The following FOXP1 variants were observed in gnomAD, a reference collection of about 807,000 sequenced individuals.
FOXP1 encodes forkhead box P1.
A neutral mutation model predicts 98.2 loss-of-function variants in FOXP1; 15 were observed. The observed-to-expected ratio is 0.15, with a 90% confidence interval of 0.10 to 0.24. FOXP1 has a LOEUF of 0.24. Ranked by LOEUF, FOXP1 falls within the 10% of genes least tolerant of loss-of-function variation. The pLI, the probability that FOXP1 is intolerant of heterozygous loss-of-function variation, is 1.00. For missense variants in FOXP1, 633 were observed against 848.5 expected (o/e 0.75, Z 3.15); for synonymous variants, 371 against 314.5 (o/e 1.18, Z -1.90).
In FOXP1 at chr3:71,041,314, T is replaced by C. The variant is rs1472263304; in HGVS notation, c.869+14A>G. The C allele has an allele frequency of 1.9e-6, 3 of 1,611,808 alleles. No individual in the cohort carries two copies. The highest frequency in any genetic ancestry group is 1.7e-6 in the Non-Finnish European group (2 of 1,178,816). On this transcript the variant is annotated intron_variant, in intron 11 of 20. Transcript: ENST00000649528. ...AAAGGCAGTTTTGGACCCATCTCAG[T>C]GGCTGGTTCCTACCTTTCCCTTTTG...
At chr3:71,063,606 T>C (rs2051857269) in intron 7 of FOXP1, among the ~76,000 whole-genome samples, 1 of 152,256 alleles carries the variant, frequency 6.6e-6, no homozygotes. Context: ...GACTTCCTAA[T>C]GATAAAATAA....
intron 3 of FOXP1, among the ~76,000 whole-genome samples, chr3:71,364,660 AT>A (rs1237887238): frequency 4.6e-5 from 7 of 152,230 alleles, no homozygotes; most frequent in Admixed American, 2.0e-4. Flanking sequence ...TTAATGTAAC[AT>A]TTTTAACGAA....
chr3:70,955,465 C>A lies in FOXP1; in HGVS notation c.*3782G>T. 4.3e-6 allele frequency: 1 copy of A among 232,872 alleles called. No homozygotes were observed. The highest frequency in any genetic ancestry group is 8.5e-6 in the Non-Finnish European group (1 of 117,858). The allele number at this position is 232,872 out of a possible 1,614,324, so 14.4% of individuals were successfully genotyped here. ...GGGACAGGTAGGTTGGATCCTCATT[C>A]CTGACAGTGCATTTGTCTGACACAC... is the stretch of plus-strand genomic sequence containing the variant. On this transcript the variant is annotated 3_prime_UTR_variant, in exon 21 of 21. Transcript: ENST00000649528.
At chr3:71,127,182 G>C (rs2059270096) in intron 6 of FOXP1, among the ~76,000 whole-genome samples, 1 of 152,106 alleles carries the variant, frequency 6.6e-6, no homozygotes, top group Non-Finnish European at 1.5e-5. Context: ...TAGAAACCCA[G>C]GAAGGAGGCC....
intron 3 of FOXP1, among the ~76,000 whole-genome samples, chr3:71,474,821 A>G (rs2089678854): frequency 6.6e-6 from 1 of 152,106 alleles, no homozygotes; most frequent in African/African-American, 2.4e-5. Context: ...AATAATAATG[A>G]AAATAAAGTG....
chr3:71,150,836 T>G (rs1428284073), intron 6 of FOXP1, among the ~76,000 whole-genome samples: 1 of 152,182 alleles, frequency 6.6e-6, no homozygotes. Context: ...GGTGTTTTGT[T>G]GTCTACCCCG....
chr3:71,007,658 A>G (rs2042975661), intron 12 of FOXP1, among the ~76,000 whole-genome samples: 1 of 152,196 alleles, frequency 6.6e-6, no homozygotes, highest in African/African-American at 2.4e-5. Context: ...ACATGTTCCA[A>G]GTAGTTTTAG....
At chr3:71,078,076 C>G (rs991081365) in intron 7 of FOXP1, among the ~76,000 whole-genome samples, 1 of 152,206 alleles carries the variant, frequency 6.6e-6, no homozygotes, top group Non-Finnish European at 1.5e-5. Flanking sequence ...AGGTGATCCG[C>G]CTCCCTTGGC....
In FOXP1 at chr3:71,112,645, G is replaced by A. The variant is rs943461732; in HGVS notation, c.181-8C>T. 6.2e-7 allele frequency: 1 copy of A among 1,605,624 alleles called. No homozygotes were observed. Among genetic ancestry groups the A allele is most frequent in the Non-Finnish European group, 8.5e-7 (1 of 1,172,306 alleles). On this transcript the variant is annotated splice_region_variant and splice_polypyrimidine_tract_variant and intron_variant, in intron 6 of 20. Transcript: ENST00000649528. The stretch of plus-strand genomic sequence containing the variant: ...TCTTGCCACCTGAAGTGCCTGGAAG[G>A]AAAAACAAGAAAATCCTTTGCGTTA...
intron 5 of FOXP1, among the ~76,000 whole-genome samples, chr3:71,222,269 C>T (rs1385699650): frequency 6.6e-6 from 1 of 152,168 alleles, no homozygotes; most frequent in Non-Finnish European, 1.5e-5. Flanking sequence ...CTGGACACAC[C>T]TGGTAACACT....
intron 3 of FOXP1, among the ~76,000 whole-genome samples, chr3:71,442,604 C>T (rs992974839): frequency 2.6e-5 from 4 of 152,226 alleles, no homozygotes; most frequent in African/African-American, 9.6e-5. Flanking sequence ...AAACTAGCCG[C>T]GGCCCCAGTA....
At chr3:71,130,963 G>A (rs1004673447) in intron 6 of FOXP1, 7 of 1,197,874 alleles carry the variant, frequency 5.8e-6, no homozygotes, top group Admixed American at 4.0e-5. Context: ...GCTCATTCAC[G>A]CAGACAAATA....
chr3:71,325,265 C>T (rs1046102263), intron 4 of FOXP1, among the ~76,000 whole-genome samples: 6 of 152,024 alleles, frequency 3.9e-5, no homozygotes, highest in African/African-American at 9.7e-5. Flanking sequence ...GTTGGCCAGG[C>T]GGGTCTCGAA....
intron 5 of FOXP1, among the ~76,000 whole-genome samples, chr3:71,234,539 T>C (rs1484517334): frequency 2.6e-5 from 4 of 152,202 alleles, no homozygotes; most frequent in Non-Finnish European, 4.4e-5. Context: ...CCCAAGGACA[T>C]CCCCAAGAAC....
In FOXP1 at chr3:70,979,470, T is replaced by A. The variant is rs538529423; in HGVS notation, c.1147-1441A>T. On this transcript the variant is annotated intron_variant, in intron 14 of 20. Transcript: ENST00000649528. ...TTACGTCTGGCAATGCTGAAGAATTTGGTTGTTTTCAGCGTATGTATTACT... is the reference window on the plus strand; with the variant it reads ...TTACGTCTGGCAATGCTGAAGAATTAGGTTGTTTTCAGCGTATGTATTACT... 7.9e-5 allele frequency among the ~76,000 whole-genome samples: 12 copies of A among 152,194 alleles called. No homozygotes were observed. The South Asian group carries it at 1.5e-3, about 18-fold the overall frequency.
intron 5 of FOXP1, among the ~76,000 whole-genome samples, chr3:71,256,843 C>T (rs1474820816): frequency 6.6e-6 from 1 of 152,116 alleles, no homozygotes; most frequent in Admixed American, 6.6e-5. Flanking sequence ...AGGACAGAAA[C>T]ATGTTTGAGG....
intron 5 of FOXP1, among the ~76,000 whole-genome samples, chr3:71,216,934 G>A (rs1280425999): frequency 6.6e-6 from 1 of 152,128 alleles, no homozygotes; most frequent in Non-Finnish European, 1.5e-5. Context: ...GAGAGGCTGG[G>A]GATGCTGTCG....
At chr3:71,431,206 C>T (rs1312069686) in intron 3 of FOXP1, among the ~76,000 whole-genome samples, 3 of 152,078 alleles carry the variant, frequency 2.0e-5, no homozygotes, top group Admixed American at 6.6e-5. Context: ...TATCACAAAT[C>T]TCCAATGGGA....
At chr3:71,508,637 G>A (rs932314610) in intron 2 of FOXP1, among the ~76,000 whole-genome samples, 4 of 152,152 alleles carry the variant, frequency 2.6e-5, no homozygotes, top group Admixed American at 6.5e-5. Context: ...TACTCAATAC[G>A]TTTTATAGCC....
Sources: allele counts gnomAD v4.1 joint callset (sites outside exome capture counted in the v4.1 genomes callset), GRCh38; gene constraint gnomAD v4.1.1; transcripts MANE v1.5; gene names NCBI Gene and HGNC (gene_info 2026-07-23, HGNC 2026-07-21).